Variants in MAP3K5 observed in about 807,000 individuals in gnomAD.
The protein encoded by MAP3K5 is mitogen-activated protein kinase kinase kinase 5.
MAP3K5 carries 56 observed loss-of-function variants against 158.7 expected under a neutral mutation model. That is an observed-to-expected ratio of 0.35 (90% CI 0.28 to 0.44). The LOEUF (loss-of-function observed/expected upper bound fraction) is 0.44. Ranked by LOEUF, MAP3K5 falls within the 20% of genes least tolerant of loss-of-function variation. The pLI, the probability that MAP3K5 is intolerant of heterozygous loss-of-function variation, is 1.00. For missense variants in MAP3K5, 1,294 were observed against 1,674.8 expected (o/e 0.77, Z 3.97); for synonymous variants, 579 against 601.7 (o/e 0.96, Z 0.55).
intron 2 of MAP3K5, among the ~76,000 whole-genome samples, chr6:136,712,059 T>C (rs1461063328): frequency 6.6e-6 from 1 of 152,182 alleles, no homozygotes; most frequent in East Asian, 1.9e-4. Flanking sequence ...ATTAATTTCT[T>C]TTCATATTTA....
At chr6:136,778,694 A>G (rs1205319645) in intron 1 of MAP3K5, among the ~76,000 whole-genome samples, 2 of 152,188 alleles carry the variant, frequency 1.3e-5, no homozygotes, top group Non-Finnish European at 2.9e-5. Flanking sequence ...AACATAAGTT[A>G]TAAGTGAATA....
At chr6:136,696,383 G>A (rs757153765) in intron 5 of MAP3K5, among the ~76,000 whole-genome samples, 3 of 152,148 alleles carry the variant, frequency 2.0e-5, no homozygotes, top group African/African-American at 4.8e-5. Flanking sequence ...CCAGATTCCC[G>A]GTATGCAGTG....
At chr6:136,688,112 C>A in intron 7 of MAP3K5, among the ~76,000 whole-genome samples, 1 of 152,128 alleles carries the variant, frequency 6.6e-6, no homozygotes, top group Admixed American at 6.5e-5. Flanking sequence ...AGTTCATGTC[C>A]TTTGCAGGTA....
chr6:136,661,538 G>T (rs1779006116), intron 8 of MAP3K5, among the ~76,000 whole-genome samples: 7 of 152,080 alleles, frequency 4.6e-5, no homozygotes, highest in Admixed American at 4.6e-4. Context: ...TGGGAGTACA[G>T]GCATGAGCCA....
chr6:136,687,501 G>T (rs766719440), intron 7 of MAP3K5, among the ~76,000 whole-genome samples: 2 of 152,094 alleles, frequency 1.3e-5, no homozygotes, highest in Non-Finnish European at 2.9e-5. Flanking sequence ...TACAGAATGG[G>T]AGAAAATTTT....
rs930737853 is a variant in MAP3K5 at position 136,792,461 on chromosome 6, G to C, written c.-304C>G. Reference sequence around the variant, plus strand: ...GGGACGGAGCTTCCTTTTCTTGGCCGGCTGACAAGTCGGCTCGCAAACCTG... The same window carrying C: ...GGGACGGAGCTTCCTTTTCTTGGCCCGCTGACAAGTCGGCTCGCAAACCTG... On this transcript the variant is annotated 5_prime_UTR_variant, in exon 1 of 30. Coordinates refer to ENST00000359015, the MANE Select transcript of MAP3K5 (RefSeq NM_005923.4). This position sits in a 1 kb window ranked among gnomAD's most constrained non-coding sequence, Gnocchi z 5.7. The C allele has an allele frequency of 1.1e-6, 1 of 870,574 alleles. No homozygotes were observed. Among genetic ancestry groups the C allele is most frequent in the Non-Finnish European group, 1.4e-6 (1 of 725,902 alleles). 53.9% of individuals were successfully genotyped at this position (870,574 alleles called of 1,614,324 possible). A position where few individuals can be genotyped will look rare whatever the true frequency, so the allele number is the denominator to read the frequency against.
At chr6:136,638,475 A>C (rs1380086398) in intron 13 of MAP3K5, among the ~76,000 whole-genome samples, 1 of 152,230 alleles carries the variant, frequency 6.6e-6, no homozygotes, top group African/African-American at 2.4e-5. Context: ...AATTCTTTTC[A>C]ATAAAGATAT....
chr6:136,668,015 T>C (rs146844270), intron 8 of MAP3K5, among the ~76,000 whole-genome samples: 1 of 152,308 alleles, frequency 6.6e-6, no homozygotes, highest in Non-Finnish European at 1.5e-5. Flanking sequence ...TACATAAAGA[T>C]ACAAGCTCTT....
chr6:136,579,715 T>A (rs886243767), intron 25 of MAP3K5: 4 of 428,978 alleles, frequency 9.3e-6, no homozygotes, highest in African/African-American at 2.0e-5. Context: ...TGGAGGAGGC[T>A]ATGCATGTGT....
chr6:136,668,442 T>C (rs1303575541), intron 8 of MAP3K5, among the ~76,000 whole-genome samples: 2 of 152,126 alleles, frequency 1.3e-5, no homozygotes, highest in African/African-American at 2.4e-5. Flanking sequence ...ATAGCTTCAC[T>C]AAGATGAACG....
chr6:136,750,307 G>T lies in MAP3K5; in HGVS notation c.449-29718C>A, dbSNP rs150950743. On this transcript the variant is annotated intron_variant, in intron 1 of 29. Transcript: ENST00000359015. The stretch of plus-strand genomic sequence containing the variant: ...TGGCCAGGCTGGTCTCGAACTCCTG[G>T]CCTCAAGTGATCTGCCTGCCTCGGC... Among the ~76,000 whole-genome samples the T allele has an allele frequency of 8.7e-3, 1,317 of 152,234 alleles. 10 individuals are homozygous for T. The highest frequency in any genetic ancestry group is 0.013 in the Non-Finnish European group (903 of 68,010).
chr6:136,661,227 G>T (rs781411645), intron 8 of MAP3K5, among the ~76,000 whole-genome samples: 1 of 151,856 alleles, frequency 6.6e-6, no homozygotes, highest in South Asian at 2.1e-4. Flanking sequence ...ACTTTTTATC[G>T]TATAATTCCA....
At chr6:136,760,405 G>A (rs1413600771) in intron 1 of MAP3K5, among the ~76,000 whole-genome samples, 2 of 151,974 alleles carry the variant, frequency 1.3e-5, no homozygotes, top group African/African-American at 4.8e-5. Context: ...AAAAGAAAAG[G>A]CAAAAGATTT....
At chr6:136,703,211 C>T (rs1045697552) in intron 3 of MAP3K5, among the ~76,000 whole-genome samples, 1 of 152,178 alleles carries the variant, frequency 6.6e-6, no homozygotes, top group African/African-American at 2.4e-5. Context: ...TGAAACGCAA[C>T]ACCTCTCTCT....
intron 5 of MAP3K5, among the ~76,000 whole-genome samples, chr6:136,696,352 G>A (rs950784704): frequency 6.6e-6 from 1 of 152,188 alleles, no homozygotes; most frequent in Non-Finnish European, 1.5e-5. Context: ...CTAAATATGG[G>A]TGATTTATTT....
intron 10 of MAP3K5, among the ~76,000 whole-genome samples, chr6:136,652,600 T>C (rs979981729): frequency 1.3e-5 from 2 of 152,148 alleles, no homozygotes; most frequent in African/African-American, 2.4e-5. Flanking sequence ...TCCCAAAACA[T>C]CATCCAACTC....
At chr6:136,673,495 A>C (rs1447407350) in intron 7 of MAP3K5, among the ~76,000 whole-genome samples, 1 of 152,214 alleles carries the variant, frequency 6.6e-6, no homozygotes, top group Non-Finnish European at 1.5e-5. Context: ...ACGGTAAAGA[A>C]TATAGAGAAA....
Position 136,791,816 on chromosome 6 carries a change from C to G in MAP3K5, c.342G>C (p.Gln114His). The G allele has an allele frequency of 6.2e-7, 1 of 1,613,850 alleles. No homozygotes were observed. Among genetic ancestry groups the G allele is most frequent in the Non-Finnish European group, 8.5e-7 (1 of 1,180,030 alleles). Residue 114 changes from glutamine (Q) to histidine (H), a missense_variant, in exon 1 of 30, where the codon CAG (glutamine) becomes CAC (histidine). Physicochemically the swap from Gln to His is conservative, Grantham distance 24. This residue lies in a region of MAP3K5 where 690 missense variants were observed against 870.5 expected (regional missense o/e 0.79). Coordinates refer to ENST00000359015, the MANE Select transcript of MAP3K5 (RefSeq NM_005923.4). ...QLVVAESEAL[Q>H]SLREACETVG... ...CTGTCTCGCACGCCTCCCGCAAGCTCTGCAGGGCCTCGCTCTCGGCCACCA... is the reference window on the plus strand; with the variant it reads ...CTGTCTCGCACGCCTCCCGCAAGCTGTGCAGGGCCTCGCTCTCGGCCACCA...
Position 136,592,327 on chromosome 6 carries a change from T to C in MAP3K5, c.3071A>G (p.Asn1024Ser), listed in dbSNP as rs147738730. 6.3e-5 allele frequency: 101 copies of C among 1,592,746 alleles called. No individual in the cohort carries two copies. The highest frequency in any genetic ancestry group is 7.7e-5 in the Non-Finnish European group (90 of 1,170,330). ...RTLFLGIPDE[N>S]FEDHSAPPSP... Reference sequence around the variant, plus strand: ...AGGAGGAGCACTGTGATCTTCAAAATTCTCATCTGGAATGCTGAGAAAATT... The same window carrying C: ...AGGAGGAGCACTGTGATCTTCAAAACTCTCATCTGGAATGCTGAGAAAATT... Residue 1024 changes from asparagine (N) to serine (S), a missense_variant, in exon 23 of 30, where the codon AAT becomes AGT. Coordinates refer to ENST00000359015, the MANE Select transcript of MAP3K5 (RefSeq NM_005923.4).
Sources: gnomAD v4.1 joint callset for allele counts (sites outside exome capture counted in the v4.1 genomes callset) on GRCh38, gnomAD v4.1.1 for gene constraint, gnomAD v4.1.1 regional missense constraint, Gnocchi (gnomAD v3.1) non-coding constraint, MANE v1.5 for transcripts, NCBI Gene and HGNC (gene_info 2026-07-23, HGNC 2026-07-21) for gene names.